Variants in MYO16 observed in about 807,000 individuals in gnomAD.
The protein encoded by MYO16 is myosin XVI.
A neutral mutation model predicts 205.3 loss-of-function variants in MYO16; 94 were observed. The observed-to-expected ratio is 0.46, with a 90% CI of 0.39 to 0.54. The LOEUF is 0.54. Among genes scored for constraint, MYO16 ranks in the 20% least tolerant of loss-of-function variants. The pLI is 0.00. For missense variants in MYO16, 2,315 were observed against 2,387.5 expected (o/e 0.97, Z 0.63); for synonymous variants, 988 against 954.0 (o/e 1.04, Z -0.66).
chr13:108,852,529 T>C (rs1291573038), intron 10 of MYO16, among the ~76,000 whole-genome samples: 2 of 152,162 alleles, frequency 1.3e-5, no homozygotes, highest in Admixed American at 1.3e-4. Context: ...TTTAAAAAAA[T>C]GTTATTCAGC....
chr13:109,035,157 C>T (rs1886676485), intron 23 of MYO16, among the ~76,000 whole-genome samples: 1 of 127,546 alleles, frequency 7.8e-6, no homozygotes, highest in African/African-American at 2.8e-5. Context: ...CCACAATAAC[C>T]AGGGATTTTT....
the MYO16 span, among the ~76,000 whole-genome samples, chr13:108,556,697 A>G: frequency 0.044 from 6,691 of 152,276 alleles, 446 homozygotes; most frequent in African/African-American, 0.15. Flanking sequence ...ATATTTAAAA[A>G]TCATTGCCCA....
the MYO16 span, among the ~76,000 whole-genome samples, chr13:108,564,424 C>T: frequency 0.037 from 5,688 of 152,206 alleles, 313 homozygotes; most frequent in African/African-American, 0.12. Context: ...CCATCTCGGC[C>T]TCCTGAAGTT....
Position 109,140,463 on chromosome 13 carries a change from G to C in MYO16, c.4251G>C (p.Ala1417=), listed in dbSNP as rs1448637278. 7.8e-6 allele frequency: 12 copies of C among 1,536,622 alleles called. No homozygotes were observed. The highest frequency in any genetic ancestry group is 1.2e-5 in the South Asian group (1 of 84,400). The part of the protein sequence containing the change: ...RVLTPGTPQC[A]LPPAAPPGDE... Reference sequence around the variant, plus strand: ...TGACCCCCGGGACTCCGCAGTGCGCGCTGCCCCCGGCGGCGCCTCCGGGTG... The same window carrying C: ...TGACCCCCGGGACTCCGCAGTGCGCCCTGCCCCCGGCGGCGCCTCCGGGTG... The change falls in exon 32 of 35, where the codon GCG becomes GCC. Residue 1417 remains alanine, a synonymous_variant. Transcript: ENST00000457511. The surrounding 1 kb of genome is among the most constrained non-coding windows in gnomAD (Gnocchi z 8.0).
intron 28 of MYO16, among the ~76,000 whole-genome samples, chr13:109,114,707 A>G (rs1483176236): frequency 2.0e-5 from 3 of 152,226 alleles, no homozygotes; most frequent in Non-Finnish European, 2.9e-5. Context: ...CTCCATAAGT[A>G]ACTGAAGTGT....
intron 4 of MYO16, among the ~76,000 whole-genome samples, chr13:108,766,753 A>G (rs1885789387): frequency 6.6e-6 from 1 of 152,178 alleles, no homozygotes; most frequent in Non-Finnish European, 1.5e-5. Flanking sequence ...AAAGACTCAT[A>G]GGTTTGCTTG....
intron 1 of MYO16, among the ~76,000 whole-genome samples, chr13:108,634,024 C>T (rs931635892): frequency 2.0e-5 from 3 of 152,184 alleles, no homozygotes; most frequent in Non-Finnish European, 4.4e-5. Context: ...TGGAACCCCC[C>T]TTTCCAGCAT....
At position 108,866,161 on chromosome 13, in the gene MYO16, A is replaced by G; in HGVS notation, c.1360-16A>G. 1 of 1,585,182 alleles carries G rather than the reference A, an allele frequency of 6.3e-7. No individual in the cohort carries two copies. The highest frequency in any genetic ancestry group is 8.6e-7 in the Non-Finnish European group (1 of 1,159,212). On this transcript the variant is annotated splice_polypyrimidine_tract_variant and intron_variant, in intron 11 of 34. Coordinates refer to ENST00000457511, the MANE Select transcript of MYO16 (RefSeq NM_001198950.3). ...TTTATATGACTCATGAACTGTTTGC[A>G]TCCCTTTTTTCACAGACATTCATTG...
chr13:109,080,700 C>T (rs563406416), intron 27 of MYO16, among the ~76,000 whole-genome samples: 18 of 151,808 alleles, frequency 1.2e-4, no homozygotes, highest in Middle Eastern at 3.4e-3. Context: ...TGCTTTAACC[C>T]GGAGAACTCT....
chr13:108,516,060 C>A, the MYO16 span, among the ~76,000 whole-genome samples: 1 of 145,888 alleles, frequency 6.9e-6, no homozygotes, highest in Non-Finnish European at 1.5e-5. Context: ...CAATGGCGGG[C>A]GCCCCTCCCC....
At chr13:108,673,273 T>C (rs1396468787) in intron 2 of MYO16, among the ~76,000 whole-genome samples, 1 of 152,146 alleles carries the variant, frequency 6.6e-6, no homozygotes, top group African/African-American at 2.4e-5. Flanking sequence ...CTGCCTGCTG[T>C]CAAGGGAATG....
Position 108,925,724 on chromosome 13 carries a change from T to C in MYO16, c.1925+15574T>C, listed in dbSNP as rs189368985. Among the ~76,000 whole-genome samples, 7 of 152,262 alleles carry C rather than the reference T, an allele frequency of 4.6e-5. No homozygotes were observed. The East Asian group carries it at 1.4e-3, about 29-fold the overall frequency. On this transcript the variant is annotated intron_variant, in intron 16 of 34. Coordinates refer to ENST00000457511, the MANE Select transcript of MYO16 (RefSeq NM_001198950.3). The stretch of plus-strand genomic sequence containing the variant: ...CATGTAACAAACCCGTCTACGTCTC[T>C]CCATCTCTCTGCTGCAGTACAGGAC...
At chr13:108,932,826 A>G (rs760742550) in intron 16 of MYO16, among the ~76,000 whole-genome samples, 24 of 152,128 alleles carry the variant, frequency 1.6e-4, no homozygotes, top group Admixed American at 3.3e-4. Context: ...CCTCTTGATT[A>G]ATAAAATAAG....
At chr13:109,168,775 A>C (rs1878803470) in intron 33 of MYO16, among the ~76,000 whole-genome samples, 1 of 152,222 alleles carries the variant, frequency 6.6e-6, no homozygotes, top group Non-Finnish European at 1.5e-5. Context: ...TTCAAGAAGA[A>C]ATCACAAAAT....
chr13:108,731,229 T>C lies in MYO16; in HGVS notation c.507+3646T>C, dbSNP rs562876924. ...GTTAGCACATGCATGCATTGCTGTT[T>C]GTTAAAACGGTGCCTAGCACTTGAT... On this transcript the variant is annotated intron_variant, in intron 4 of 34. Coordinates refer to ENST00000457511, the MANE Select transcript of MYO16 (RefSeq NM_001198950.3). 3.3e-5 allele frequency among the ~76,000 whole-genome samples: 5 copies of C among 152,354 alleles called. No individual in the cohort carries two copies. In the South Asian group the frequency reaches 1.0e-3, roughly 32 times the overall value.
chr13:108,786,271 A>G (rs1039885639), intron 5 of MYO16, among the ~76,000 whole-genome samples: 9 of 152,266 alleles, frequency 5.9e-5, no homozygotes, highest in African/African-American at 2.2e-4. Flanking sequence ...GCCTGAAAAG[A>G]TGAGGCTGAG....
At chr13:109,150,815 A>G (rs1371435191) in intron 32 of MYO16, among the ~76,000 whole-genome samples, 1 of 152,200 alleles carries the variant, frequency 6.6e-6, no homozygotes, top group Non-Finnish European at 1.5e-5. Context: ...TCTACACTGG[A>G]TTGCAAATTA....
intron 2 of MYO16, among the ~76,000 whole-genome samples, chr13:108,710,103 T>C (rs1225257229): frequency 1.3e-5 from 2 of 152,162 alleles, no homozygotes; most frequent in Non-Finnish European, 2.9e-5. Context: ...ATGTTCTTTA[T>C]GAGTTTCATG....
chr13:109,066,063 A>C (rs1887739035), intron 27 of MYO16, among the ~76,000 whole-genome samples: 1 of 152,184 alleles, frequency 6.6e-6, no homozygotes, highest in Admixed American at 6.5e-5. Flanking sequence ...TAAATGACAC[A>C]GTTGTTGCTG....
Sources: allele counts gnomAD v4.1 joint callset (sites outside exome capture counted in the v4.1 genomes callset), GRCh38; gene constraint gnomAD v4.1.1; non-coding constraint Gnocchi (gnomAD v3.1); transcripts MANE v1.5; gene names NCBI Gene and HGNC (gene_info 2026-07-23, HGNC 2026-07-21).